Variants in PGM2 observed in about 807,000 individuals in gnomAD.
The protein encoded by PGM2 is phosphopentomutase.
A neutral mutation model predicts 74.6 loss-of-function variants in PGM2; 57 were observed. The ratio of observed to expected loss-of-function variants is 0.76; its 90% confidence interval spans 0.62 to 0.95. The LOEUF is 0.95. Ranked by LOEUF, PGM2 falls within the 40% of genes least tolerant of loss-of-function variation. The pLI is 0.00. For missense variants in PGM2, 706 were observed against 741.9 expected (o/e 0.95, Z 0.56); for synonymous variants, 273 against 260.7 (o/e 1.05, Z -0.46).
At chr4:37,831,901 TC>T (rs1461272442) in intron 2 of PGM2, among the ~76,000 whole-genome samples, 1 of 152,206 alleles carries the variant, frequency 6.6e-6, no homozygotes, top group East Asian at 1.9e-4. Context: ...CTTTGGACAA[TC>T]CAGTTGGTTA....
In PGM2 at chr4:37,844,573, A is replaced by T. The variant is rs183474490; in HGVS notation, c.909+20A>T. On this transcript the variant is annotated intron_variant, in intron 7 of 13. Transcript: ENST00000381967. Reference sequence around the variant, plus strand: ...GTCTTGGTAACCTAATTTTTTTTTAAATTATGAAATCTGCTTTTATATTCA... The same window carrying T: ...GTCTTGGTAACCTAATTTTTTTTTATATTATGAAATCTGCTTTTATATTCA... 82 of 1,446,198 alleles carry T rather than the reference A, an allele frequency of 5.7e-5. No homozygotes were observed. The Admixed American group carries it at 9.4e-4, about 17-fold the overall frequency. The allele number at this position is 1,446,198 out of a possible 1,614,324, so 89.6% of individuals were successfully genotyped here. A position where few individuals can be genotyped will look rare whatever the true frequency, so the allele number is the denominator to read the frequency against.
At chr4:37,835,330 T>G (rs943978465) in intron 3 of PGM2, among the ~76,000 whole-genome samples, 2 of 152,144 alleles carry the variant, frequency 1.3e-5, no homozygotes, top group East Asian at 3.9e-4. Context: ...CAGCAAACTT[T>G]TTCTCTAAAG....
Position 37,861,741 on chromosome 4 carries a change from T to G in PGM2, c.*129T>G, listed in dbSNP as rs191809202. Reference sequence around the variant, plus strand: ...TTTATGTGTTTTACAAAGACCTACATTCCTCATTGTTTCATGTTTGACCTT... The same window carrying G: ...TTTATGTGTTTTACAAAGACCTACAGTCCTCATTGTTTCATGTTTGACCTT... On this transcript the variant is annotated 3_prime_UTR_variant, in exon 14 of 14. Transcript: ENST00000381967. 2.1e-3 allele frequency: 1,138 copies of G among 539,516 alleles called. 5 individuals carry two copies. The highest frequency in any genetic ancestry group is 3.2e-3 in the Non-Finnish European group (929 of 294,370). 33.4% of individuals were successfully genotyped at this position (539,516 alleles called of 1,614,324 possible).
At chr4:37,829,106 A>G (rs775468209) in intron 1 of PGM2, among the ~76,000 whole-genome samples, 8 of 152,240 alleles carry the variant, frequency 5.3e-5, no homozygotes, top group Non-Finnish European at 7.3e-5. Context: ...TCCTGAATTC[A>G]TAACTTAAAA....
chr4:37,846,588 G>A (rs554217532), intron 8 of PGM2, among the ~76,000 whole-genome samples: 5 of 152,282 alleles, frequency 3.3e-5, no homozygotes, highest in Admixed American at 1.3e-4. Flanking sequence ...CTCTATATAT[G>A]GGGGATCTTG....
Position 37,826,789 on chromosome 4 carries a change from C to A in PGM2, c.57C>A (p.Thr19=), listed in dbSNP as rs542537636. ...LGEDARLDQE[T]AQWLRWDKNS... ...AGGACGCCCGGCTGGACCAGGAGAC[C>A]GCCCAGTGGCTGCGCTGGGACAAGG... Residue 19 remains threonine, a synonymous_variant, in exon 1 of 14, where the codon ACC becomes ACA. Coordinates refer to ENST00000381967, the MANE Select transcript of PGM2 (RefSeq NM_018290.4). 1.3e-6 allele frequency: 2 copies of A among 1,548,716 alleles called. No individual in the cohort carries two copies. Among genetic ancestry groups the A allele is most frequent in the East Asian group, 2.4e-5 (1 of 40,828 alleles).
chr4:37,836,862 G>GGGGTGTGTGT (rs71658740), intron 3 of PGM2, among the ~76,000 whole-genome samples: 3 of 150,416 alleles, frequency 2.0e-5, no homozygotes, highest in African/African-American at 7.3e-5. Context: ...TATGTGTATG[G>GGGGTGTGTGT]GTGTGTGTGT....
intron 12 of PGM2, among the ~76,000 whole-genome samples, chr4:37,853,789 T>A (rs1726114887): frequency 6.6e-6 from 1 of 152,180 alleles, no homozygotes; most frequent in Non-Finnish European, 1.5e-5. Flanking sequence ...ACTTGATCCC[T>A]CTGTTTTCAT....
intron 2 of PGM2, 42 bp downstream of exon 2, chr4:37,830,173 C>T: frequency 7.4e-7 from 1 of 1,347,930 alleles, no homozygotes; most frequent in Non-Finnish European, 1.0e-6. Context: ...AATGTATCCC[C>T]TAGCTCATTT....
chr4:37,858,896 A>G (rs1182923600), intron 13 of PGM2, among the ~76,000 whole-genome samples: 6 of 152,168 alleles, frequency 3.9e-5, no homozygotes, highest in Non-Finnish European at 7.3e-5. Context: ...ATAAGAATGC[A>G]GTGAATACCC....
At chr4:37,833,034 G>A (rs1290587454) in intron 2 of PGM2, among the ~76,000 whole-genome samples, 1 of 152,038 alleles carries the variant, frequency 6.6e-6, no homozygotes, top group Non-Finnish European at 1.5e-5. Context: ...CACAGCTCAA[G>A]GGTTGAGCAG....
rs1186902055 is a variant in PGM2, at chr4:37,846,959, G to C, written c.1036G>C (p.Glu346Gln). Residue 346 changes from glutamate to glutamine, a missense_variant, in exon 9 of 14, where the codon GAG (glutamate) becomes CAG (glutamine). Transcript: ENST00000381967. ...TGAATGGAGGGTGTTTTCAGGCAAT[G>C]AGTTGGGGGCCCTCCTGGGCTGGTG... ...SGEWRVFSGNELGALLGWWLF... is the reference protein window; with the variant it reads ...SGEWRVFSGNQLGALLGWWLF... 1 of 1,612,294 alleles carries C rather than the reference G, an allele frequency of 6.2e-7. No homozygotes were observed. Among genetic ancestry groups the C allele is most frequent in the South Asian group, 1.1e-5 (1 of 90,636 alleles).
intron 2 of PGM2, among the ~76,000 whole-genome samples, chr4:37,833,707 C>T (rs572503389): frequency 1.1e-4 from 16 of 152,098 alleles, no homozygotes; most frequent in Non-Finnish European, 1.9e-4. Flanking sequence ...AAAAATAATG[C>T]GTAAAACAGC....
rs146134953 is a variant in PGM2, at chr4:37,855,603, C to T, written c.1603-5C>T. The stretch of plus-strand genomic sequence containing the variant: ...TAAATTTATAATGTGTGCATTAATT[C>T]CTAGGTTCTTCCCACTAGTAAAAGC... On this transcript the variant is annotated splice_polypyrimidine_tract_variant and splice_region_variant and intron_variant, in intron 12 of 13. Coordinates refer to ENST00000381967, the MANE Select transcript of PGM2 (RefSeq NM_018290.4). The T allele has an allele frequency of 8.4e-4, 1,354 of 1,612,254 alleles. 13 individuals are homozygous for T. The African/African-American group carries it at 0.016, about 19-fold the overall frequency.
At chr4:37,851,819 T>A (rs1442418559) in intron 12 of PGM2, among the ~76,000 whole-genome samples, 1 of 152,246 alleles carries the variant, frequency 6.6e-6, no homozygotes, top group Non-Finnish European at 1.5e-5. Context: ...ACAGTACGTT[T>A]ATGCCACAGC....
At chr4:37,859,498 C>G (rs1478796990) in intron 13 of PGM2, among the ~76,000 whole-genome samples, 1 of 152,130 alleles carries the variant, frequency 6.6e-6, no homozygotes, top group Non-Finnish European at 1.5e-5. Flanking sequence ...TGGAATTCTT[C>G]AGGAAAACCT....
chr4:37,861,241 A>G (rs1043586133), intron 13 of PGM2, among the ~76,000 whole-genome samples: 4 of 152,206 alleles, frequency 2.6e-5, no homozygotes, highest in Non-Finnish European at 4.4e-5. Flanking sequence ...TTTCTTACAA[A>G]GTCTTATGAG....
intron 12 of PGM2, among the ~76,000 whole-genome samples, chr4:37,851,970 C>CTTTCTTTTTTTTTTTT (rs374297092): frequency 1.4e-4 from 19 of 135,002 alleles, no homozygotes; most frequent in Admixed American, 4.7e-4. Context: ...TGTTTGTTTT[C>CTTTCTTTTTTTTTTTT]TTTTTTTTTG....
At chr4:37,843,103 T>C (rs1186410056) in intron 6 of PGM2, among the ~76,000 whole-genome samples, 2 of 152,200 alleles carry the variant, frequency 1.3e-5, no homozygotes, top group African/African-American at 2.4e-5. Context: ...AGCTCCAGGA[T>C]TTAAATTCAG....
Sources: allele counts gnomAD v4.1 joint callset (sites outside exome capture counted in the v4.1 genomes callset), GRCh38; gene constraint gnomAD v4.1.1; transcripts MANE v1.5; gene names NCBI Gene and HGNC (gene_info 2026-07-23, HGNC 2026-07-21).